CSMD1: variants seen among roughly 807,000 people sequenced by gnomAD.
The protein encoded by CSMD1 is CUB and Sushi multiple domains 1.
Under a neutral mutation model 417.5 loss-of-function variants are expected in CSMD1, and 213 were observed. The ratio of observed to expected loss-of-function variants is 0.51; its 90% CI spans 0.46 to 0.57. The LOEUF (loss-of-function observed/expected upper bound fraction) is 0.57. CSMD1 is among the 20% of genes least tolerant of loss of function. The pLI, the probability that CSMD1 is intolerant of heterozygous loss-of-function variation, is 0.00. For synonymous variants in CSMD1, 2,862 were observed against 1,736.8 expected (o/e 1.65, Z -16.11); for missense variants, 6,923 against 4,529.7 (o/e 1.53, Z -15.17).
At chr8:4,255,001 T>A (rs957462234) in intron 3 of CSMD1, among the ~76,000 whole-genome samples, 2 of 152,178 alleles carry the variant, frequency 1.3e-5, no homozygotes, top group African/African-American at 4.8e-5. Flanking sequence ...AGAAGATCAC[T>A]CAGAGTTATT....
intron 3 of CSMD1, among the ~76,000 whole-genome samples, chr8:4,269,818 T>A (rs1311885202): frequency 1.3e-5 from 2 of 152,194 alleles, no homozygotes; most frequent in African/African-American, 4.8e-5. Context: ...AGTCTCAGAA[T>A]TACAAGTAGT....
chr8:3,245,443 T>C (rs1054115742), intron 26 of CSMD1, among the ~76,000 whole-genome samples: 4 of 152,224 alleles, frequency 2.6e-5, no homozygotes, highest in African/African-American at 7.2e-5. Flanking sequence ...AACCTACAAC[T>C]GGAAGTACTT....
chr8:4,955,799 T>G (rs201837040), intron 1 of CSMD1, among the ~76,000 whole-genome samples: 1 of 45,428 alleles, frequency 2.2e-5, no homozygotes, highest in Non-Finnish European at 5.3e-5. Flanking sequence ...TAACAGTACC[T>G]TCAAATTGGC....
chr8:4,583,789 G>C (rs896588460), intron 2 of CSMD1, among the ~76,000 whole-genome samples: 1 of 152,152 alleles, frequency 6.6e-6, no homozygotes. Flanking sequence ...GGCCAGATAA[G>C]AGAATAAAAG....
intron 5 of CSMD1, among the ~76,000 whole-genome samples, chr8:3,834,657 G>A (rs1030697354): frequency 3.3e-5 from 5 of 152,078 alleles, no homozygotes; most frequent in Non-Finnish European, 7.4e-5. Flanking sequence ...TATCAAACCT[G>A]ATGGTGGTTT....
chr8:3,385,163 T>C (rs1563333762), intron 18 of CSMD1, among the ~76,000 whole-genome samples: 1 of 136,054 alleles, frequency 7.4e-6, no homozygotes, highest in Non-Finnish European at 1.5e-5. Context: ...ATATAATACA[T>C]AATATATAAA....
At chr8:4,222,320 G>C (rs1801079011) in intron 3 of CSMD1, among the ~76,000 whole-genome samples, 1 of 151,900 alleles carries the variant, frequency 6.6e-6, no homozygotes, top group East Asian at 1.9e-4. Flanking sequence ...AAAACTTGGG[G>C]GATACAGTAG....
intron 3 of CSMD1, among the ~76,000 whole-genome samples, chr8:4,200,802 G>C (rs936064351): frequency 6.6e-6 from 1 of 152,188 alleles, no homozygotes; most frequent in Admixed American, 6.5e-5. Context: ...AGGCTTCAGT[G>C]AACTATTGTT....
At chr8:3,727,008 C>T (rs1802537636) in intron 6 of CSMD1, among the ~76,000 whole-genome samples, 1 of 152,138 alleles carries the variant, frequency 6.6e-6, no homozygotes, top group Non-Finnish European at 1.5e-5. Context: ...CACAAACCCT[C>T]AATATTTGCA....
chr8:3,106,027 A>C (rs1480389289), intron 46 of CSMD1, among the ~76,000 whole-genome samples: 1 of 152,202 alleles, frequency 6.6e-6, no homozygotes, highest in African/African-American at 2.4e-5. Flanking sequence ...GGACTAGATA[A>C]AAGAAAAAGC....
At chr8:3,773,866 A>G (rs1403883238) in intron 5 of CSMD1, among the ~76,000 whole-genome samples, 3 of 152,142 alleles carry the variant, frequency 2.0e-5, no homozygotes, top group Non-Finnish European at 2.9e-5. Flanking sequence ...TTTGATCATT[A>G]CTATGTTGCT....
At chr8:3,745,568 C>T (rs554940454) in intron 6 of CSMD1, among the ~76,000 whole-genome samples, 10 of 152,312 alleles carry the variant, frequency 6.6e-5, no homozygotes, top group Admixed American at 5.2e-4. Context: ...TCTTTTGCTA[C>T]GCTTGCTCCT....
chr8:3,639,696 G>T (rs115924127), intron 7 of CSMD1, among the ~76,000 whole-genome samples: 30 of 152,096 alleles, frequency 2.0e-4, no homozygotes, highest in Non-Finnish European at 4.1e-4. Context: ...AAGGCACTAC[G>T]TAAACATCAA....
In CSMD1 at chr8:4,343,543, T is replaced by C. The variant is rs552117107; in HGVS notation, c.415+76410A>G. 5.6e-4 allele frequency among the ~76,000 whole-genome samples: 86 copies of C among 152,262 alleles called. 1 individual carries two copies. Among genetic ancestry groups the C allele is most frequent in the African/African-American group, 1.8e-3 (75 of 41,570 alleles). On this transcript the variant is annotated intron_variant, in intron 3 of 69. Transcript: ENST00000635120. Reference sequence around the variant, plus strand: ...ATCAAATTGTACAAGTTATATACAATGTTACTTGTCAATTATATATCAATA... The same window carrying C: ...ATCAAATTGTACAAGTTATATACAACGTTACTTGTCAATTATATATCAATA...
At chr8:4,934,250 A>C (rs1396257951) in intron 1 of CSMD1, among the ~76,000 whole-genome samples, 1 of 152,202 alleles carries the variant, frequency 6.6e-6, no homozygotes, top group African/African-American at 2.4e-5. Flanking sequence ...AGGCAGAAAA[A>C]AATAAATATT....
intron 30 of CSMD1, among the ~76,000 whole-genome samples, chr8:3,207,960 A>C (rs1033025454): frequency 6.6e-6 from 1 of 152,166 alleles, no homozygotes; most frequent in Non-Finnish European, 1.5e-5. Context: ...CACTCACTCT[A>C]CCAACGCAGA....
chr8:3,864,807 G>A (rs1009521279), intron 5 of CSMD1, among the ~76,000 whole-genome samples: 1 of 152,168 alleles, frequency 6.6e-6, no homozygotes, highest in African/African-American at 2.4e-5. Context: ...AGGGTCTAAA[G>A]AGCTATTTGT....
chr8:3,916,270 AG>A (rs1808821286), intron 5 of CSMD1, among the ~76,000 whole-genome samples: 1 of 152,126 alleles, frequency 6.6e-6, no homozygotes, highest in Non-Finnish European at 1.5e-5. Context: ...GAGCCCAGAA[AG>A]CTTTTGTGGA....
intron 3 of CSMD1, among the ~76,000 whole-genome samples, chr8:4,239,334 G>A (rs1267835887): frequency 6.6e-6 from 1 of 152,190 alleles, no homozygotes; most frequent in African/African-American, 2.4e-5. Flanking sequence ...AGATTCCTCT[G>A]CCCTTCAACC....
Sources: gnomAD v4.1 joint callset for allele counts (sites outside exome capture counted in the v4.1 genomes callset) on GRCh38, gnomAD v4.1.1 for gene constraint, MANE v1.5 for transcripts, NCBI Gene and HGNC (gene_info 2026-07-23, HGNC 2026-07-21) for gene names.